The following LRP1B variants were observed in gnomAD, a reference collection of about 807,000 sequenced individuals.
LRP1B encodes low-density lipoprotein receptor-related protein 1B.
A neutral mutation model predicts 556.6 loss-of-function variants in LRP1B; 217 were observed. The observed-to-expected ratio is 0.39, with a 90% CI of 0.35 to 0.44. The LOEUF is 0.44. LRP1B is among the 20% of genes least tolerant of loss of function. LRP1B has a pLI of 1.00. For synonymous variants in LRP1B, 2,047 were observed against 1,865.8 expected (o/e 1.10, Z -2.50); for missense variants, 5,053 against 5,620.8 (o/e 0.90, Z 3.23).
intron 31 of LRP1B, among the ~76,000 whole-genome samples, chr2:140,826,009 G>A (rs1287112025): frequency 2.0e-5 from 3 of 152,142 alleles, no homozygotes; most frequent in Non-Finnish European, 4.4e-5. Context: ...AAATCTGGAT[G>A]GTCCTGATTC....
chr2:140,729,563 A>G (rs1687705108), intron 35 of LRP1B, among the ~76,000 whole-genome samples: 1 of 152,198 alleles, frequency 6.6e-6, no homozygotes, highest in Non-Finnish European at 1.5e-5. Flanking sequence ...TTTTATGAAC[A>G]AATTCCCGCT....
At chr2:140,713,411 C>T (rs1687104610) in intron 37 of LRP1B, among the ~76,000 whole-genome samples, 1 of 151,426 alleles carries the variant, frequency 6.6e-6, no homozygotes, top group Non-Finnish European at 1.5e-5. Context: ...CATTACTTGG[C>T]TTGAGGGAAG....
At chr2:141,444,030 C>T (rs1241461488) in intron 3 of LRP1B, among the ~76,000 whole-genome samples, 1 of 151,988 alleles carries the variant, frequency 6.6e-6, no homozygotes. Context: ...GGCAGTATGG[C>T]CATTTTCATG....
At chr2:141,797,234 A>G (rs1695855341) in intron 2 of LRP1B, among the ~76,000 whole-genome samples, 1 of 144,782 alleles carries the variant, frequency 6.9e-6, no homozygotes, top group African/African-American at 2.5e-5. Context: ...TCATATCTGA[A>G]ACTGCCTATG....
At chr2:141,626,828 T>C (rs1055585576) in intron 2 of LRP1B, among the ~76,000 whole-genome samples, 1 of 152,210 alleles carries the variant, frequency 6.6e-6, no homozygotes, top group Admixed American at 6.5e-5. Flanking sequence ...GGAGCAATGA[T>C]TGAGAATTCA....
intron 84 of LRP1B, among the ~76,000 whole-genome samples, chr2:140,297,119 G>A (rs1384947548): frequency 6.6e-6 from 1 of 152,112 alleles, no homozygotes; most frequent in African/African-American, 2.4e-5. Context: ...AGGATTAGAT[G>A]TAGCCTGGGG....
chr2:141,346,984 T>C (rs983494171), intron 3 of LRP1B, among the ~76,000 whole-genome samples: 3 of 152,098 alleles, frequency 2.0e-5, no homozygotes, highest in Admixed American at 6.6e-5. Flanking sequence ...AAATTCACCA[T>C]CTTTAACCGG....
chr2:141,695,678 A>T (rs570817309), intron 2 of LRP1B, among the ~76,000 whole-genome samples: 26 of 151,930 alleles, frequency 1.7e-4, no homozygotes, highest in Admixed American at 6.6e-4. Context: ...CCACAAAAAC[A>T]CATATATCCC....
At chr2:140,633,076 A>G (rs1171337894) in intron 41 of LRP1B, among the ~76,000 whole-genome samples, 3 of 151,840 alleles carry the variant, frequency 2.0e-5, no homozygotes, top group Non-Finnish European at 2.9e-5. Flanking sequence ...AAAAAGAAAA[A>G]AAAAAGAAAA....
At chr2:141,687,093 A>G (rs1691339223) in intron 2 of LRP1B, among the ~76,000 whole-genome samples, 1 of 152,060 alleles carries the variant, frequency 6.6e-6, no homozygotes, top group Non-Finnish European at 1.5e-5. Flanking sequence ...TAATTCTAAA[A>G]GTATAAAAAC....
chr2:142,014,022 G>A (rs1198437632), intron 1 of LRP1B, among the ~76,000 whole-genome samples: 3 of 152,110 alleles, frequency 2.0e-5, no homozygotes, highest in Non-Finnish European at 4.4e-5. Flanking sequence ...GCAATATATA[G>A]TAATTAAGAA....
chr2:141,771,878 G>T (rs1694911370), intron 2 of LRP1B, among the ~76,000 whole-genome samples: 2 of 152,102 alleles, frequency 1.3e-5, no homozygotes. Flanking sequence ...GAGTGCAGTG[G>T]TGCGTTCTCG....
At chr2:141,882,085 G>A (rs764130146) in intron 1 of LRP1B, among the ~76,000 whole-genome samples, 4 of 151,972 alleles carry the variant, frequency 2.6e-5, no homozygotes, top group Non-Finnish European at 5.9e-5. Flanking sequence ...TCCTAAAATT[G>A]CATTACAAAA....
rs558444625 is a variant in LRP1B, at chr2:141,038,216, C to T, written c.1789+10770G>A. 4.6e-5 allele frequency among the ~76,000 whole-genome samples: 7 copies of T among 152,078 alleles called. No individual in the cohort carries two copies. In the East Asian group the frequency reaches 1.2e-3, roughly 25 times the overall value. Reference sequence around the variant, plus strand: ...AGAAACAGAGAATGCAACAAATACGCCCTCCAGTCCTTCTCCGGGCCAGAG... The same window carrying T: ...AGAAACAGAGAATGCAACAAATACGTCCTCCAGTCCTTCTCCGGGCCAGAG... On this transcript the variant is annotated intron_variant, in intron 11 of 90. Coordinates refer to ENST00000389484, the MANE Select transcript of LRP1B (RefSeq NM_018557.3).
chr2:140,628,904 G>C (rs992549264), intron 41 of LRP1B, among the ~76,000 whole-genome samples: 3 of 152,046 alleles, frequency 2.0e-5, no homozygotes, highest in Non-Finnish European at 4.4e-5. Context: ...TCCTGCTCCA[G>C]CCATATAGGC....
chr2:141,895,057 A>G (rs1251100339), intron 1 of LRP1B, among the ~76,000 whole-genome samples: 1 of 150,280 alleles, frequency 6.7e-6, no homozygotes. Context: ...TCAAAAAAAA[A>G]AAAAAAAAAG....
Position 141,750,162 on chromosome 2 carries a change from G to A in LRP1B, c.205+60117C>T, listed in dbSNP as rs180896720. On this transcript the variant is annotated intron_variant, in intron 2 of 90. Coordinates refer to ENST00000389484, the MANE Select transcript of LRP1B (RefSeq NM_018557.3). ...AGTGTTAATTACCAATTTCCAGAGC[G>A]AAGCACCATCTCCTTTCATGGAATC... 9.9e-5 allele frequency among the ~76,000 whole-genome samples: 15 copies of A among 152,170 alleles called. No individual in the cohort carries two copies. The East Asian group carries it at 1.7e-3, about 18-fold the overall frequency.
intron 31 of LRP1B, among the ~76,000 whole-genome samples, chr2:140,818,959 A>AAG (rs1559137677): frequency 2.0e-5 from 3 of 147,652 alleles, no homozygotes; most frequent in African/African-American, 7.4e-5. Context: ...AAAAAAAAAA[A>AAG]AGAGAATGTG....
chr2:141,480,217 C>T, intron 3 of LRP1B, 179 bp downstream of exon 3: 1 of 660,340 alleles, frequency 1.5e-6, no homozygotes, highest in Middle Eastern at 4.4e-4. Flanking sequence ...TTTTTTTGCT[C>T]AAACATAATA....
Sources: gnomAD v4.1 joint callset for allele counts (sites outside exome capture counted in the v4.1 genomes callset) on GRCh38, gnomAD v4.1.1 for gene constraint, MANE v1.5 for transcripts, NCBI Gene and HGNC (gene_info 2026-07-23, HGNC 2026-07-21) for gene names.